The following SGCD variants were observed in gnomAD, a reference collection of about 807,000 sequenced individuals.
The protein encoded by SGCD is delta-sarcoglycan.
A neutral mutation model predicts 36.6 loss-of-function variants in SGCD; 18 were observed. The ratio of observed to expected loss-of-function variants is 0.49; its 90% CI spans 0.34 to 0.73. The LOEUF is 0.73. Among genes scored for constraint, SGCD ranks in the 30% least tolerant of loss-of-function variants. SGCD has a pLI of 0.01. For synonymous variants in SGCD, 133 were observed against 130.6 expected, an observed-to-expected ratio of 1.02 and a Z score of -0.12; for missense variants, 387 against 346.7, an observed-to-expected ratio of 1.12 and a Z score of -0.92.
Position 156,717,026 on chromosome 5 carries a change from A to C in SGCD, c.576-40555A>C, listed in dbSNP as rs1755255284. ...TTTGGCTAATTATGTAGTGAGATTTAATATGATTTCTCCTCATGTGTGAAA... is the reference window on the plus strand; with the variant it reads ...TTTGGCTAATTATGTAGTGAGATTTCATATGATTTCTCCTCATGTGTGAAA... On this transcript the variant is annotated intron_variant, in intron 7 of 8. Transcript: ENST00000337851. Among the ~76,000 whole-genome samples, 3 of 152,222 alleles carry C rather than the reference A, an allele frequency of 2.0e-5. No homozygotes were observed. The South Asian group carries it at 6.2e-4, about 31-fold the overall frequency.
At chr5:155,933,552 G>C (rs1308388815) in intron 1 of SGCD, among the ~76,000 whole-genome samples, 1 of 152,178 alleles carries the variant, frequency 6.6e-6, no homozygotes, top group Non-Finnish European at 1.5e-5. Flanking sequence ...GTGAATAAAT[G>C]AGTGAATGAA....
intron 3 of SGCD, among the ~76,000 whole-genome samples, chr5:156,390,458 T>G (rs918918732): frequency 1.3e-5 from 2 of 152,236 alleles, no homozygotes; most frequent in African/African-American, 4.8e-5. Context: ...CCAGGCACAA[T>G]GGCTCACGCC....
intron 6 of SGCD, among the ~76,000 whole-genome samples, chr5:156,612,115 C>A (rs1171601618): frequency 6.6e-6 from 1 of 151,904 alleles, no homozygotes; most frequent in Admixed American, 6.6e-5. Flanking sequence ...TTATTGTGTT[C>A]TTTTAGAGGT....
At chr5:156,406,790 T>TTATATATATATATA (rs200600544) in intron 3 of SGCD, among the ~76,000 whole-genome samples, 678 of 74,754 alleles carry the variant, frequency 9.1e-3, no homozygotes, top group East Asian at 0.014. Context: ...ATAGGAGATT[T>TTATATATATATATA]TATATATATA....
chr5:156,188,146 C>T (rs146367078), intron 3 of SGCD, among the ~76,000 whole-genome samples: 3 of 152,196 alleles, frequency 2.0e-5, no homozygotes, highest in African/African-American at 7.2e-5. Flanking sequence ...GATTCTGATG[C>T]TGGTGGAGGA....
chr5:156,618,964 T>C (rs1378307051), intron 6 of SGCD, among the ~76,000 whole-genome samples: 2 of 151,936 alleles, frequency 1.3e-5, no homozygotes, highest in Non-Finnish European at 2.9e-5. Context: ...GTCAGCTTTC[T>C]AGTTTGATTA....
At chr5:156,522,066 A>G (rs2113043964) in intron 4 of SGCD, among the ~76,000 whole-genome samples, 1 of 152,246 alleles carries the variant, frequency 6.6e-6, no homozygotes, top group East Asian at 1.9e-4. Flanking sequence ...GAAGCTGGAA[A>G]CCATCATTCT....
intron 6 of SGCD, among the ~76,000 whole-genome samples, chr5:156,632,936 A>G (rs1762690737): frequency 6.6e-6 from 1 of 152,190 alleles, no homozygotes; most frequent in South Asian, 2.1e-4. Flanking sequence ...GGGAAAACAG[A>G]GTATTCATTG....
At chr5:156,327,769 A>G (rs939826599) in intron 1 of SGCD, among the ~76,000 whole-genome samples, 2 of 152,196 alleles carry the variant, frequency 1.3e-5, no homozygotes, top group African/African-American at 4.8e-5. Flanking sequence ...ATGGGTTTCT[A>G]AAATCTTTTA....
chr5:156,229,931 C>G (rs1764972591), intron 3 of SGCD, among the ~76,000 whole-genome samples: 1 of 152,050 alleles, frequency 6.6e-6, no homozygotes, highest in African/African-American at 2.4e-5. Context: ...GAATTTCTTT[C>G]TTCTACTTGT....
chr5:156,737,266 G>A (rs1162940671), intron 7 of SGCD, among the ~76,000 whole-genome samples: 1 of 151,932 alleles, frequency 6.6e-6, no homozygotes, highest in African/African-American at 2.4e-5. Context: ...GCAGTTTTCA[G>A]GTAACATTTA....
At chr5:156,440,824 T>C (rs1481768651) in intron 3 of SGCD, among the ~76,000 whole-genome samples, 1 of 152,184 alleles carries the variant, frequency 6.6e-6, no homozygotes, top group African/African-American at 2.4e-5. Flanking sequence ...TTTTATTAAG[T>C]TGTAAGAATT....
At chr5:156,241,569 CTTCT>C (rs1765309252) in intron 3 of SGCD, among the ~76,000 whole-genome samples, 2 of 152,122 alleles carry the variant, frequency 1.3e-5, no homozygotes, top group African/African-American at 4.8e-5. Flanking sequence ...CCAGTTTTTC[CTTCT>C]TTAAGAACTT....
chr5:156,152,621 A>T (rs1762858341), intron 3 of SGCD, among the ~76,000 whole-genome samples: 1 of 151,602 alleles, frequency 6.6e-6, no homozygotes, highest in Non-Finnish European at 1.5e-5. Context: ...TTTCTAATAC[A>T]TTTTCAATGT....
chr5:155,736,711 C>A, the SGCD span, among the ~76,000 whole-genome samples: 6 of 152,164 alleles, frequency 3.9e-5, no homozygotes, highest in African/African-American at 7.2e-5. Context: ...ACCTCCTCCT[C>A]CTACTTTTGC....
At chr5:155,751,711 TA>T in the SGCD span, among the ~76,000 whole-genome samples, 986 of 149,038 alleles carry the variant, frequency 6.6e-3, 15 homozygotes, top group African/African-American at 0.02. Context: ...TGTTTTTTTT[TA>T]TAAAAAAAAA....
In SGCD at chr5:156,344,022, A is replaced by G. The variant is rs572539305; in HGVS notation, c.4-467A>G. Reference sequence around the variant, plus strand: ...CACGGTTGCCACTGACTGGCAATACAGAATGATAGTGTTCAAAATTTTTTA... The same window carrying G: ...CACGGTTGCCACTGACTGGCAATACGGAATGATAGTGTTCAAAATTTTTTA... On this transcript the variant is annotated intron_variant, in intron 2 of 8. Transcript: ENST00000337851. Among the ~76,000 whole-genome samples the G allele has an allele frequency of 4.6e-5, 7 of 151,990 alleles. No homozygotes were observed. The East Asian group carries it at 1.3e-3, about 29-fold the overall frequency.
intron 3 of SGCD, among the ~76,000 whole-genome samples, chr5:156,133,964 TTCTCTC>T (rs971114235): frequency 7.7e-5 from 10 of 130,556 alleles, no homozygotes; most frequent in Admixed American, 1.5e-4. Context: ...CACACACAGT[TTCTCTC>T]TGTCTCTCTC....
At chr5:156,391,687 C>A (rs538533578) in intron 3 of SGCD, among the ~76,000 whole-genome samples, 1 of 152,246 alleles carries the variant, frequency 6.6e-6, no homozygotes, top group East Asian at 1.9e-4. Flanking sequence ...GACACTTGAG[C>A]ATCTGTGGAT....
Sources: gnomAD v4.1 joint callset for allele counts (sites outside exome capture counted in the v4.1 genomes callset) on GRCh38, gnomAD v4.1.1 for gene constraint, MANE v1.5 for transcripts, NCBI Gene and HGNC (gene_info 2026-07-23, HGNC 2026-07-21) for gene names.